Variants in ATP2B4 observed in about 807,000 individuals in gnomAD.
The protein encoded by ATP2B4 is plasma membrane calcium-transporting ATPase 4.
In ATP2B4, 39 loss-of-function variants were observed where a neutral mutation model predicts 110.3. The ratio of observed to expected loss-of-function variants is 0.35; its 90% confidence interval spans 0.27 to 0.46. The LOEUF (loss-of-function observed/expected upper bound fraction) is 0.46, where lower values mean the gene tolerates loss of function less well. Ranked by LOEUF, ATP2B4 falls within the 20% of genes least tolerant of loss-of-function variation. ATP2B4 has a pLI of 1.00. For missense variants in ATP2B4, 1,135 were observed against 1,530.9 expected (o/e 0.74, Z 4.32); for synonymous variants, 538 against 571.7 (o/e 0.94, Z 0.84).
chr1:203,676,466 G>A (rs1571710753), intron 1 of ATP2B4, among the ~76,000 whole-genome samples: 1 of 152,258 alleles, frequency 6.6e-6, no homozygotes, highest in African/African-American at 2.4e-5. Flanking sequence ...GGAGAGAAGG[G>A]CTAGCCAGGG....
intron 1 of ATP2B4, chr1:203,656,864 T>A (rs1664178935): frequency 2.3e-6 from 1 of 428,462 alleles, no homozygotes; most frequent in Admixed American, 4.0e-5. Flanking sequence ...ATGTAATAAA[T>A]CTCTTGATTG....
intron 1 of ATP2B4, among the ~76,000 whole-genome samples, chr1:203,637,347 C>G (rs577438705): frequency 6.8e-6 from 1 of 147,666 alleles, no homozygotes; most frequent in African/African-American, 2.5e-5. Context: ...AGGAGAATGG[C>G]GTGAACCCCC....
At chr1:203,706,948 C>A in intron 8 of ATP2B4, 61 bp from the exon 9 acceptor site, 1 of 1,433,946 alleles carries the variant, frequency 7.0e-7, no homozygotes, top group Non-Finnish European at 9.7e-7. Context: ...CAATCTATCT[C>A]TGGCTAGGGC....
chr1:203,727,670 CT>C (rs1666564524), intron 20 of ATP2B4, 99 bp downstream of exon 20: 1 of 1,443,978 alleles, frequency 6.9e-7, no homozygotes, highest in African/African-American at 1.4e-5. Flanking sequence ...CATCTCTTCC[CT>C]TCCAAAGGCT....
intron 1 of ATP2B4, among the ~76,000 whole-genome samples, chr1:203,677,464 G>A (rs1225296568): frequency 6.6e-6 from 1 of 152,068 alleles, no homozygotes; most frequent in African/African-American, 2.4e-5. Context: ...CCTAAAGCAG[G>A]TTTTGTTTGT....
In ATP2B4 at chr1:203,722,527, A is replaced by G. The variant is rs1345769013; in HGVS notation, c.2862A>G (p.Ser954=). Residue 954 remains serine, a synonymous_variant, in exon 18 of 21, where the codon TCA becomes TCG. Transcript: ENST00000357681. ...IDSGRKAPLH[S]PPSQHYTIVF... ...GTGGGAGGAAGGCACCTCTACATTC[A>G]CCACCCAGCCAGCACTATACCATTG... The G allele has an allele frequency of 6.2e-7, 1 of 1,614,036 alleles. No individual in the cohort carries two copies. Among genetic ancestry groups the G allele is most frequent in the East Asian group, 2.2e-5 (1 of 44,882 alleles).
chr1:203,707,343 C>T (rs1013190993), intron 9 of ATP2B4, 120 bp downstream of exon 9: 1 of 922,938 alleles, frequency 1.1e-6, no homozygotes, highest in Non-Finnish European at 1.6e-6. Flanking sequence ...TGGTGCCTCA[C>T]AAGAGCAGAA....
intron 1 of ATP2B4, among the ~76,000 whole-genome samples, chr1:203,668,958 A>G (rs567783161): frequency 6.6e-6 from 1 of 152,314 alleles, no homozygotes; most frequent in South Asian, 2.1e-4. Context: ...GGAATGAGGT[A>G]TAGAGAAAAA....
chr1:203,641,473 ACT>A (rs1318572830), intron 1 of ATP2B4, among the ~76,000 whole-genome samples: 5 of 151,742 alleles, frequency 3.3e-5, no homozygotes, highest in African/African-American at 1.2e-4. Context: ...ACCACACCAG[ACT>A]CTCTCTAGGA....
In ATP2B4 at chr1:203,651,132, T is replaced by C. The variant is rs148452836; in HGVS notation, c.-465+23913T>C. On this transcript the variant is annotated intron_variant, in intron 1 of 20. Coordinates refer to ENST00000357681, the MANE Select transcript of ATP2B4 (RefSeq NM_001684.5). ...ATGAAATTTTCAACAAAAGTTCTTA[T>C]TTAAGAGTCTTGATATTTTTAGATA... Among the ~76,000 whole-genome samples the C allele has an allele frequency of 5.1e-3, 777 of 152,272 alleles. 9 individuals are homozygous for C. Among genetic ancestry groups the C allele is most frequent in the African/African-American group, 0.017 (720 of 41,544 alleles).
chr1:203,633,161 C>T (rs560719367), intron 1 of ATP2B4, among the ~76,000 whole-genome samples: 7 of 152,316 alleles, frequency 4.6e-5, no homozygotes, highest in Admixed American at 1.3e-4. Flanking sequence ...AAGGGTCTCC[C>T]GCCAACCAGA....
chr1:203,723,453 T>TCTCTCTCA (rs1666404159), intron 18 of ATP2B4, among the ~76,000 whole-genome samples: 1 of 98,130 alleles, frequency 1.0e-5, no homozygotes, highest in African/African-American at 4.2e-5. Context: ...TCTCTCTCTC[T>TCTCTCTCA]CTCTCTCCCT....
At position 203,739,721 on chromosome 1, in the gene ATP2B4, T is replaced by C. The variant is rs1666957838; in HGVS notation, c.3485T>C (p.Phe1162Ser). 3.1e-6 allele frequency: 5 copies of C among 1,614,018 alleles called. No individual in the cohort carries two copies. The South Asian group carries it at 5.5e-5, about 18-fold the overall frequency. ...GAAAATCCTGACAAGGCTTCTAAGT[T>C]TGGGACTAGGGTGCTCCTGTTGGAT... ...EEENPDKASK[F>S]GTRVLLLDGE... Residue 1162 changes from phenylalanine to serine, a missense_variant, in exon 21 of 21, where the codon TTT becomes TCT. Phe to Ser is a radical substitution (Grantham distance 155). This residue lies in a region of ATP2B4 where 92 missense variants were observed against 82.5 expected (regional missense o/e 1.11). Transcript: ENST00000357681.
intron 5 of ATP2B4, among the ~76,000 whole-genome samples, 181 bp downstream of exon 5, chr1:203,700,512 G>T (rs1349673105): frequency 6.6e-6 from 1 of 152,116 alleles, no homozygotes; most frequent in East Asian, 1.9e-4. Context: ...AGTTTTCCAT[G>T]AAACAAGTGT....
intron 2 of ATP2B4, among the ~76,000 whole-genome samples, chr1:203,690,421 C>CAT (rs1255856373): frequency 6.6e-6 from 1 of 152,160 alleles, no homozygotes; most frequent in Non-Finnish European, 1.5e-5. Flanking sequence ...GATAGGCAAA[C>CAT]ATATATTTTC....
intron 2 of ATP2B4, among the ~76,000 whole-genome samples, chr1:203,688,694 A>T (rs2102370205): frequency 6.6e-6 from 1 of 152,288 alleles, no homozygotes; most frequent in South Asian, 2.1e-4. Context: ...AGAGTTGGTT[A>T]GACTTAAGAA....
intron 18 of ATP2B4, among the ~76,000 whole-genome samples, chr1:203,723,504 G>A (rs1666412853): frequency 1.5e-5 from 2 of 132,048 alleles, no homozygotes; most frequent in Admixed American, 1.6e-4. Context: ...CTCCCCCAGG[G>A]GGAGTGCAGC....
chr1:203,672,324 C>CTTTTT lies in ATP2B4; in HGVS notation c.-464-10390_-464-10386dup, dbSNP rs57144862. The stretch of plus-strand genomic sequence containing the variant: ...TGTTCCTGAGTAAGTTGCGGTGGCT[C>CTTTTT]TTTTTTTTTTTTTTTTTTTTTTTTT... On this transcript the variant is annotated intron_variant, in intron 1 of 20. Transcript: ENST00000357681. Among the ~76,000 whole-genome samples, 700 of 79,408 alleles carry CTTTTT rather than the reference C, an allele frequency of 8.8e-3. 26 individuals are homozygous for CTTTTT. The highest frequency in any genetic ancestry group is 0.033 in the East Asian group (28 of 836). The allele number at this position is 79,408 out of a possible 152,430, so 52.1% of individuals were successfully genotyped here. A position where few individuals can be genotyped will look rare whatever the true frequency, so the allele number is the denominator to read the frequency against.
At chr1:203,732,445 G>A (rs529792547) in intron 20 of ATP2B4, among the ~76,000 whole-genome samples, 14 of 152,248 alleles carry the variant, frequency 9.2e-5, no homozygotes, top group African/African-American at 3.1e-4. Context: ...TTCTCAGGGA[G>A]CCTACCTACT....
Sources: gnomAD v4.1 joint callset for allele counts (sites outside exome capture counted in the v4.1 genomes callset) on GRCh38, gnomAD v4.1.1 for gene constraint, gnomAD v4.1.1 regional missense constraint, MANE v1.5 for transcripts, NCBI Gene and HGNC (gene_info 2026-07-23, HGNC 2026-07-21) for gene names.